The following SPON1 variants were observed in gnomAD, a reference collection of about 807,000 sequenced individuals.
The protein encoded by SPON1 is spondin 1, also known as spondin-1.
SPON1 carries 52 observed loss-of-function variants against 111.7 expected under a neutral mutation model. That is an observed-to-expected ratio of 0.47 (90% confidence interval 0.37 to 0.59). SPON1 has a LOEUF of 0.59. Ranked by LOEUF, SPON1 falls within the 20% of genes least tolerant of loss-of-function variation. SPON1 has a pLI of 0.00. For missense variants in SPON1, 957 were observed against 1,068.5 expected, an observed-to-expected ratio of 0.90 and a Z score of 1.46; for synonymous variants, 410 against 395.8, an observed-to-expected ratio of 1.04 and a Z score of -0.43.
At chr11:14,264,277 G>A (rs1258158462) in intron 15 of SPON1, among the ~76,000 whole-genome samples, 2 of 152,146 alleles carry the variant, frequency 1.3e-5, no homozygotes, top group African/African-American at 2.4e-5. Context: ...AAGCAAGAGG[G>A]TGACTGTATC....
intron 4 of SPON1, among the ~76,000 whole-genome samples, chr11:14,078,711 T>C (rs997026674): frequency 6.6e-6 from 1 of 152,178 alleles, no homozygotes; most frequent in African/African-American, 2.4e-5. Flanking sequence ...AAAATGGGGA[T>C]AGCAAAAGTA....
rs1174497627 is a variant in SPON1 at position 14,265,656 on chromosome 11, A to G, written c.2393A>G (p.Glu798Gly). ...SQFTSCKDKK[E>G]IRACNVHPC ...TTTACCAGCTGCAAAGACAAGAAGG[A>G]GATCAGAGCATGCAATGTTCATCCT... The change falls in exon 16 of 16, where the codon GAG (glutamate) becomes GGG (glycine). Residue 798 changes from glutamate (E) to glycine (G), a missense_variant. Around this residue, in one of 5 missense-constraint regions of SPON1, gnomAD observed 549 missense variants for 606.2 expected, o/e 0.91. Transcript: ENST00000576479. The G allele has an allele frequency of 6.2e-7, 1 of 1,613,776 alleles. No individual in the cohort carries two copies. The highest frequency in any genetic ancestry group is 8.5e-7 in the Non-Finnish European group (1 of 1,179,824).
intron 5 of SPON1, among the ~76,000 whole-genome samples, chr11:14,080,259 C>T (rs1554921920): frequency 4.0e-5 from 6 of 150,002 alleles, no homozygotes; most frequent in South Asian, 2.1e-4. Context: ...GATGGAGTCT[C>T]GCTCTGTTGC....
intron 1 of SPON1, among the ~76,000 whole-genome samples, chr11:13,969,659 CAAG>C (rs1554908392): frequency 6.6e-6 from 1 of 152,110 alleles, no homozygotes; most frequent in Non-Finnish European, 1.5e-5. Flanking sequence ...GGGCTAGATA[CAAG>C]AAGAGCCATG....
In SPON1 at chr11:14,259,160, G is replaced by A; in HGVS notation, c.1493-120G>A. ...TTAAGGATTTAGACCTCTTAGGTGT[G>A]CAGACAACCTCAACTGCCTGACTCC... On this transcript the variant is annotated intron_variant, in intron 11 of 15. Transcript: ENST00000576479. The surrounding 1 kb of genome is among the most constrained non-coding windows in gnomAD (Gnocchi z 5.0). 2.7e-6 allele frequency: 3 copies of A among 1,107,234 alleles called. No individual in the cohort carries two copies. Among genetic ancestry groups the A allele is most frequent in the Middle Eastern group, 3.0e-4 (1 of 3,306 alleles). 68.6% of individuals were successfully genotyped at this position (1,107,234 alleles called of 1,614,324 possible).
At chr11:14,035,643 GGTC>G (rs71041563) in intron 2 of SPON1, among the ~76,000 whole-genome samples, 44,814 of 148,570 alleles carry the variant, frequency 0.3, 7,801 homozygotes, top group South Asian at 0.51. Flanking sequence ...TTTAAGACAG[GGTC>G]TCACTCTGTC....
intron 5 of SPON1, among the ~76,000 whole-genome samples, chr11:14,104,357 C>T (rs1175168830): frequency 6.6e-6 from 1 of 151,030 alleles, no homozygotes; most frequent in Non-Finnish European, 1.5e-5. Context: ...CCTAGATGTT[C>T]TTTGGTATTA....
rs951488995 is a variant in SPON1 at position 14,041,468 on chromosome 11, G to C, written c.346-53G>C. 35 of 1,601,386 alleles carry C rather than the reference G, an allele frequency of 2.2e-5. No individual in the cohort carries two copies. The Admixed American group carries it at 6.0e-4, about 27-fold the overall frequency. On this transcript the variant is annotated intron_variant, in intron 2 of 15. Coordinates refer to ENST00000576479, the MANE Select transcript of SPON1 (RefSeq NM_006108.4). The stretch of plus-strand genomic sequence containing the variant: ...AGGAAGTACCAACTTAGAAGCTTAA[G>C]CGCCCTCTCAAAATGATGTTGCATG...
chr11:14,108,473 T>C (rs1554925116), intron 5 of SPON1, among the ~76,000 whole-genome samples: 1 of 152,182 alleles, frequency 6.6e-6, no homozygotes, highest in Non-Finnish European at 1.5e-5. Flanking sequence ...ATTTCTTCCA[T>C]GTACCAAGTG....
chr11:14,162,908 T>TC (rs2133876917), intron 6 of SPON1, among the ~76,000 whole-genome samples: 1 of 152,312 alleles, frequency 6.6e-6, no homozygotes, highest in Admixed American at 6.5e-5. Flanking sequence ...ATGGCAAGCA[T>TC]CGGCTGGTCC....
At chr11:13,971,085 T>G (rs1848059914) in intron 1 of SPON1, among the ~76,000 whole-genome samples, 1 of 152,148 alleles carries the variant, frequency 6.6e-6, no homozygotes, top group South Asian at 2.1e-4. Context: ...TATTTCTCTC[T>G]CAGCCAGAGA....
At chr11:14,231,948 TTTTG>T (rs1220423295) in intron 6 of SPON1, among the ~76,000 whole-genome samples, 1 of 150,388 alleles carries the variant, frequency 6.6e-6, no homozygotes, top group African/African-American at 2.4e-5. Context: ...GGGTCATTCT[TTTTG>T]TTTCTCTCTC....
chr11:13,982,812 T>G (rs1554909829), intron 1 of SPON1, 35 bp from the exon 2 acceptor site: 1 of 1,398,112 alleles, frequency 7.2e-7, no homozygotes, highest in Non-Finnish European at 9.9e-7. Context: ...TAATTGATTC[T>G]TATACTTAAA....
intron 7 of SPON1, among the ~76,000 whole-genome samples, chr11:14,250,291 T>A (rs1849038819): frequency 6.6e-6 from 1 of 152,070 alleles, no homozygotes; most frequent in Non-Finnish European, 1.5e-5. Flanking sequence ...GTTGAAAAAA[T>A]TAATATTTCT....
At position 14,041,533 on chromosome 11, in the gene SPON1, G is replaced by A; in HGVS notation, c.358G>A (p.Glu120Lys). 6.2e-7 allele frequency: 1 copy of A among 1,613,908 alleles called. No homozygotes were observed. Among genetic ancestry groups the A allele is most frequent in the South Asian group, 1.1e-5 (1 of 91,070 alleles). ...TGGTTTTCCGTAGATCATAGACGAA[G>A]AAGAAACTCAGTTTATGAGCAATTG... The part of the protein sequence containing the change: ...HAGTFQIIDE[E>K]ETQFMSNCPV... Residue 120 changes from glutamate to lysine, a missense_variant, in exon 3 of 16, where the codon GAA (glutamate) becomes AAA (lysine). This residue lies in a region of SPON1 where 262 missense variants were observed against 253.9 expected (regional missense o/e 1.03). Coordinates refer to ENST00000576479, the MANE Select transcript of SPON1 (RefSeq NM_006108.4).
chr11:14,233,766 T>TC (rs1848831236), intron 6 of SPON1, among the ~76,000 whole-genome samples: 1 of 143,708 alleles, frequency 7.0e-6, no homozygotes, highest in Non-Finnish European at 1.5e-5. Flanking sequence ...TTCTTTTTTT[T>TC]TTTTTTTTTT....
At position 14,260,627 on chromosome 11, in the gene SPON1, G is replaced by C. The variant is rs781803514; in HGVS notation, c.1871G>C (p.Ser624Thr). The change falls in exon 14 of 16, where the codon AGT becomes ACT. Residue 624 changes from serine (S) to threonine (T), a missense_variant. Physicochemically the swap from Ser to Thr is moderately conservative, Grantham distance 58. Transcript: ENST00000576479. ...TTGCTGTCCCCATGGTCCGAGTGGA[G>C]TGACTGCAGCGTGACCTGCGGGAAG... ...PCLLSPWSEW[S>T]DCSVTCGKGM... is the part of the protein sequence containing the mutation. 1.1e-5 allele frequency: 18 copies of C among 1,613,866 alleles called. No individual in the cohort carries two copies. Among genetic ancestry groups the C allele is most frequent in the Admixed American group, 1.7e-5 (1 of 59,998 alleles).
At chr11:14,136,697 TTA>T (rs1847596491) in intron 6 of SPON1, among the ~76,000 whole-genome samples, 1 of 152,156 alleles carries the variant, frequency 6.6e-6, no homozygotes, top group Non-Finnish European at 1.5e-5. Context: ...CAGAATGAGC[TTA>T]TGTTTCTTAT....
intron 6 of SPON1, among the ~76,000 whole-genome samples, chr11:14,171,742 G>A (rs1192412323): frequency 5.3e-5 from 8 of 151,926 alleles, no homozygotes; most frequent in East Asian, 1.9e-4. Context: ...CCTTCATTTC[G>A]TTATGTACCC....
Sources: allele counts gnomAD v4.1 joint callset (sites outside exome capture counted in the v4.1 genomes callset), GRCh38; gene constraint gnomAD v4.1.1; regional missense constraint gnomAD v4.1.1; non-coding constraint Gnocchi (gnomAD v3.1); transcripts MANE v1.5; gene names NCBI Gene and HGNC (gene_info 2026-07-23, HGNC 2026-07-21).